Variants in NLGN1 observed in about 807,000 individuals in gnomAD.
NLGN1 encodes neuroligin-1.
NLGN1 carries 12 observed loss-of-function variants against 65.5 expected under a neutral mutation model. The ratio of observed to expected loss-of-function variants is 0.18; its 90% CI spans 0.12 to 0.30. NLGN1 has a LOEUF of 0.30. Among genes scored for constraint, NLGN1 ranks in the 10% least tolerant of loss-of-function variants. NLGN1 has a pLI of 1.00. For missense variants in NLGN1, 750 were observed against 1,007.1 expected (o/e 0.74, Z 3.46); for synonymous variants, 350 against 359.5 (o/e 0.97, Z 0.30).
intron 4 of NLGN1, among the ~76,000 whole-genome samples, chr3:173,984,615 C>T (rs943292210): frequency 2.0e-5 from 3 of 152,184 alleles, no homozygotes; most frequent in East Asian, 1.9e-4. Context: ...TTTAACCCAA[C>T]ATTTATCAAA....
chr3:173,595,947 T>C (rs1749406005), intron 2 of NLGN1, among the ~76,000 whole-genome samples: 2 of 152,242 alleles, frequency 1.3e-5, no homozygotes, highest in Non-Finnish European at 2.9e-5. Context: ...GTGGGAATTA[T>C]GGGAGTTCAA....
At chr3:173,802,155 C>A (rs1180599438) in intron 3 of NLGN1, among the ~76,000 whole-genome samples, 1 of 149,912 alleles carries the variant, frequency 6.7e-6, no homozygotes, top group Non-Finnish European at 1.5e-5. Flanking sequence ...TTTTTTTTTC[C>A]TTTTGTTAAA....
chr3:173,825,500 GT>G (rs1312086770), intron 4 of NLGN1, among the ~76,000 whole-genome samples: 20 of 151,842 alleles, frequency 1.3e-4, no homozygotes, highest in Non-Finnish European at 1.8e-4. Context: ...GTTAGTTAAG[GT>G]TTTTCGTTTT....
At chr3:173,572,629 A>G (rs897186549) in intron 2 of NLGN1, among the ~76,000 whole-genome samples, 2 of 152,134 alleles carry the variant, frequency 1.3e-5, no homozygotes, top group Non-Finnish European at 2.9e-5. Flanking sequence ...GCTTCTAGTT[A>G]CACCTTTCTC....
At chr3:173,529,966 C>CA (rs1736288455) in intron 2 of NLGN1, among the ~76,000 whole-genome samples, 1 of 146,210 alleles carries the variant, frequency 6.8e-6, no homozygotes, top group African/African-American at 2.6e-5. Context: ...CTTTCTTTTC[C>CA]TTTTTTTTTT....
intron 4 of NLGN1, among the ~76,000 whole-genome samples, chr3:174,079,931 TG>T (rs1741794041): frequency 6.6e-6 from 1 of 152,040 alleles, no homozygotes; most frequent in Admixed American, 6.6e-5. Flanking sequence ...AAATAACTAA[TG>T]GGTACTAGGC....
At chr3:174,268,530 C>A (rs1258966260) in intron 4 of NLGN1, among the ~76,000 whole-genome samples, 1 of 151,954 alleles carries the variant, frequency 6.6e-6, no homozygotes, top group Non-Finnish European at 1.5e-5. Context: ...TAAATTAGGG[C>A]CCTTTTTTCT....
chr3:173,518,167 A>T (rs1356676883), intron 2 of NLGN1, among the ~76,000 whole-genome samples: 2 of 152,308 alleles, frequency 1.3e-5, no homozygotes, highest in East Asian at 3.9e-4. Context: ...GTTACCAGAC[A>T]AATTTCTTTT....
rs918936875 is a variant in NLGN1 at position 174,280,065 on chromosome 3, G to C, written c.1649+415G>C. Among the ~76,000 whole-genome samples, 1 of 151,980 alleles carries C rather than the reference G, an allele frequency of 6.6e-6. No individual in the cohort carries two copies. Among genetic ancestry groups the C allele is most frequent in the African/African-American group, 2.4e-5 (1 of 41,418 alleles). ...GAAGGAGACCTGAGGCTCTGTGAGT[G>C]TCATAGAGATGTTCACATGTCTGGT... is the stretch of plus-strand genomic sequence containing the variant. On this transcript the variant is annotated intron_variant, in intron 6 of 6. Coordinates refer to ENST00000457714, the Ensembl canonical transcript of NLGN1. The surrounding 1 kb of genome is among the most constrained non-coding windows in gnomAD (Gnocchi z 4.9).
intron 4 of NLGN1, among the ~76,000 whole-genome samples, chr3:173,841,147 TTATA>T (rs34913436): frequency 2.0e-5 from 3 of 149,906 alleles, no homozygotes; most frequent in Non-Finnish European, 4.4e-5. Context: ...ATATCTATAG[TTATA>T]TATATATATA....
intron 4 of NLGN1, among the ~76,000 whole-genome samples, chr3:174,094,199 T>G (rs1261646922): frequency 6.6e-6 from 1 of 152,220 alleles, no homozygotes; most frequent in Non-Finnish European, 1.5e-5. Context: ...ATATATCATT[T>G]GATTATCTAA....
intron 4 of NLGN1, among the ~76,000 whole-genome samples, chr3:173,929,433 C>A (rs755095518): frequency 6.6e-6 from 1 of 151,970 alleles, no homozygotes; most frequent in Non-Finnish European, 1.5e-5. Context: ...TGCAGGTTGT[C>A]AGATTTGCCC....
intron 4 of NLGN1, among the ~76,000 whole-genome samples, chr3:174,074,910 C>T (rs1391165799): frequency 6.6e-6 from 1 of 152,174 alleles, no homozygotes; most frequent in Non-Finnish European, 1.5e-5. Flanking sequence ...AGGGTTCTAC[C>T]GTGCACAATG....
chr3:173,771,491 T>C (rs1006879988), intron 3 of NLGN1, among the ~76,000 whole-genome samples: 3 of 152,172 alleles, frequency 2.0e-5, no homozygotes, highest in African/African-American at 7.2e-5. Context: ...AATAGCAAGA[T>C]AAACTCACTT....
intron 4 of NLGN1, among the ~76,000 whole-genome samples, chr3:174,093,235 G>C (rs1031588625): frequency 6.6e-6 from 1 of 152,126 alleles, no homozygotes; most frequent in Non-Finnish European, 1.5e-5. Context: ...AGAAGGAAAA[G>C]GAAGAATTAA....
chr3:174,025,390 T>G (rs1728640221), intron 4 of NLGN1, among the ~76,000 whole-genome samples: 1 of 152,164 alleles, frequency 6.6e-6, no homozygotes, highest in South Asian at 2.1e-4. Context: ...TATTAAAATA[T>G]TCTATTCAAT....
intron 4 of NLGN1, among the ~76,000 whole-genome samples, chr3:174,005,595 G>A (rs1258214602): frequency 6.6e-6 from 1 of 152,068 alleles, no homozygotes; most frequent in African/African-American, 2.4e-5. Flanking sequence ...TGCTGCATCT[G>A]TGCTGATCTC....
At position 174,036,667 on chromosome 3, in the gene NLGN1, G is replaced by A. The variant is rs139289425; in HGVS notation, c.646+228835G>A. On this transcript the variant is annotated intron_variant, in intron 4 of 6. Transcript: ENST00000457714. ...TTTGTTACACAGGTAAACTTGTGTC[G>A]TGGGAGTTCATTGTACAGGTTATTT... 9.5e-4 allele frequency among the ~76,000 whole-genome samples: 142 copies of A among 149,870 alleles called. 1 individual carries two copies. The East Asian group carries it at 0.023, about 24-fold the overall frequency.
chr3:173,976,488 C>G (rs1334708675), intron 4 of NLGN1, among the ~76,000 whole-genome samples: 1 of 152,016 alleles, frequency 6.6e-6, no homozygotes, highest in Non-Finnish European at 1.5e-5. Context: ...AGTGATTTAA[C>G]CAATCAAGCT....
Sources: allele counts gnomAD v4.1 joint callset (sites outside exome capture counted in the v4.1 genomes callset), GRCh38; gene constraint gnomAD v4.1.1; non-coding constraint Gnocchi (gnomAD v3.1); transcripts MANE v1.5; gene names NCBI Gene and HGNC (gene_info 2026-07-23, HGNC 2026-07-21).